CCDC91: variants seen among roughly 807,000 people sequenced by gnomAD.
CCDC91 encodes the protein coiled-coil domain containing 91, also known as coiled-coil domain-containing protein 91.
In CCDC91, 48 loss-of-function variants were observed where a neutral mutation model predicts 63.2. That is an observed-to-expected ratio of 0.76 (90% CI 0.60 to 0.97). CCDC91 has a LOEUF of 0.97. CCDC91 is among the 50% of genes least tolerant of loss of function. CCDC91 has a pLI of 0.00. For synonymous variants in CCDC91, 167 were observed against 165.8 expected (o/e 1.01, Z -0.06); for missense variants, 500 against 494.6 (o/e 1.01, Z -0.10).
intron 1 of CCDC91, among the ~76,000 whole-genome samples, chr12:28,222,074 CATT>C (rs1275032445): frequency 6.6e-6 from 1 of 152,174 alleles, no homozygotes; most frequent in African/African-American, 2.4e-5. Flanking sequence ...ACTTGAACAT[CATT>C]ATTTCATCTT....
At chr12:28,469,261 T>C (rs1950692478) in intron 11 of CCDC91, among the ~76,000 whole-genome samples, 1 of 152,004 alleles carries the variant, frequency 6.6e-6, no homozygotes, top group African/African-American at 2.4e-5. Context: ...AAAATCAACA[T>C]ACAAAAGTCA....
At chr12:28,350,178 A>G (rs951461538) in intron 6 of CCDC91, among the ~76,000 whole-genome samples, 2 of 152,236 alleles carry the variant, frequency 1.3e-5, no homozygotes, top group African/African-American at 4.8e-5. Context: ...AAAACAAAAC[A>G]GAAAACCTAT....
chr12:28,481,213 A>G (rs1318276271), intron 11 of CCDC91, among the ~76,000 whole-genome samples: 3 of 151,986 alleles, frequency 2.0e-5, no homozygotes, highest in Non-Finnish European at 4.4e-5. Flanking sequence ...ACAGCATAAC[A>G]TATGTGCAAT....
chr12:28,252,819 G>A (rs139288971), intron 1 of CCDC91, among the ~76,000 whole-genome samples: 161 of 152,096 alleles, frequency 1.1e-3, no homozygotes, highest in African/African-American at 3.5e-3. Flanking sequence ...CTGTTCACAT[G>A]TAAGATTGAG....
At chr12:28,360,514 A>G (rs1368511899) in intron 6 of CCDC91, among the ~76,000 whole-genome samples, 3 of 152,184 alleles carry the variant, frequency 2.0e-5, no homozygotes, top group Non-Finnish European at 4.4e-5. Context: ...CAGTGTCAGA[A>G]GGGGAGTGTG....
intron 3 of CCDC91, among the ~76,000 whole-genome samples, chr12:28,282,076 G>A (rs1011945033): frequency 2.6e-5 from 4 of 152,044 alleles, no homozygotes; most frequent in Admixed American, 2.0e-4. Context: ...AAGACAAAAA[G>A]GATAACTAAA....
chr12:28,333,763 T>G (rs961991439), intron 6 of CCDC91, among the ~76,000 whole-genome samples: 2 of 152,206 alleles, frequency 1.3e-5, no homozygotes, highest in Admixed American at 1.3e-4. Context: ...CAGTGGCGTT[T>G]CCATACGTCA....
chr12:28,279,959 A>G (rs1948496402), intron 3 of CCDC91, among the ~76,000 whole-genome samples: 1 of 152,090 alleles, frequency 6.6e-6, no homozygotes, highest in African/African-American at 2.4e-5. Flanking sequence ...CATATCTACT[A>G]TTTTAGATAT....
chr12:28,488,236 A>G (rs1429968348), intron 12 of CCDC91, among the ~76,000 whole-genome samples: 1 of 151,832 alleles, frequency 6.6e-6, no homozygotes, highest in Admixed American at 6.6e-5. Context: ...CTTTAAAAAT[A>G]CCTAGTATTC....
chr12:28,220,133 A>T (rs1420623306), intron 1 of CCDC91, among the ~76,000 whole-genome samples: 1 of 152,082 alleles, frequency 6.6e-6, no homozygotes, highest in Admixed American at 6.6e-5. Flanking sequence ...GTTTAAATAT[A>T]TCATTTTACT....
chr12:28,446,564 G>C (rs1949510124), intron 8 of CCDC91, among the ~76,000 whole-genome samples: 2 of 152,074 alleles, frequency 1.3e-5, no homozygotes, highest in African/African-American at 4.8e-5. Context: ...CCTACTTCAA[G>C]TGATCCTCCC....
At chr12:28,527,202 G>T (rs1481782834) in intron 12 of CCDC91, among the ~76,000 whole-genome samples, 1 of 152,050 alleles carries the variant, frequency 6.6e-6, no homozygotes, top group East Asian at 1.9e-4. Flanking sequence ...CCATTACCAG[G>T]GTTGGTTTTC....
In CCDC91 at chr12:28,463,002, C is replaced by T. The variant is rs1374840179; in HGVS notation, c.1101+10348C>T. The stretch of plus-strand genomic sequence containing the variant: ...CCAAGCTCAGAGAGCATGGCATGTC[C>T]GGGAAACTGCAGTATTTCCTATATA... On this transcript the variant is annotated intron_variant, in intron 11 of 12. Coordinates refer to ENST00000536442, the MANE Select transcript of CCDC91 (RefSeq NM_018318.5). Among the ~76,000 whole-genome samples the T allele has an allele frequency of 3.9e-5, 6 of 151,992 alleles. No individual in the cohort carries two copies. The East Asian group carries it at 7.7e-4, about 20-fold the overall frequency.
chr12:28,407,965 T>TATA (rs1419784554), intron 8 of CCDC91, among the ~76,000 whole-genome samples: 2 of 68,482 alleles, frequency 2.9e-5, no homozygotes, highest in African/African-American at 7.6e-5. Flanking sequence ...TATATATATA[T>TATA]TTTTTTTATT....
At chr12:28,421,041 C>T (rs1947975590) in intron 8 of CCDC91, among the ~76,000 whole-genome samples, 1 of 151,992 alleles carries the variant, frequency 6.6e-6, no homozygotes, top group African/African-American at 2.4e-5. Context: ...AGTGGAATTA[C>T]TATATGCAAG....
chr12:28,484,023 C>G (rs1337528990), intron 11 of CCDC91, 29 bp from the exon 12 acceptor site: 1 of 1,400,046 alleles, frequency 7.1e-7, no homozygotes, highest in African/African-American at 1.4e-5. Flanking sequence ...GCTCACCTCC[C>G]TGACTGTTTT....
At chr12:28,496,186 A>G (rs1952270865) in intron 12 of CCDC91, among the ~76,000 whole-genome samples, 1 of 151,704 alleles carries the variant, frequency 6.6e-6, no homozygotes, top group African/African-American at 2.4e-5. Flanking sequence ...TCTATGAACA[A>G]TAGCAAAAAC....
chr12:28,461,728 C>T (rs998845081), intron 11 of CCDC91, among the ~76,000 whole-genome samples: 2 of 151,938 alleles, frequency 1.3e-5, no homozygotes, highest in African/African-American at 4.8e-5. Flanking sequence ...TCATTTAGCT[C>T]TATGTCTTTC....
intron 6 of CCDC91, among the ~76,000 whole-genome samples, chr12:28,347,357 T>G (rs556669767): frequency 1.3e-5 from 2 of 152,332 alleles, no homozygotes; most frequent in East Asian, 3.9e-4. Flanking sequence ...ACCCACTTAT[T>G]CATTTCTTTA....
Sources: gnomAD v4.1 joint callset for allele counts (sites outside exome capture counted in the v4.1 genomes callset) on GRCh38, gnomAD v4.1.1 for gene constraint, MANE v1.5 for transcripts, NCBI Gene and HGNC (gene_info 2026-07-23, HGNC 2026-07-21) for gene names.